Variants in SMG1 observed in about 807,000 individuals in gnomAD.
SMG1 encodes the protein SMG1 nonsense mediated mRNA decay associated PI3K related kinase, also known as serine/threonine-protein kinase SMG1.
Under a neutral mutation model 419.9 loss-of-function variants are expected in SMG1, and 22 were observed. The observed-to-expected ratio is 0.05, with a 90% CI of 0.04 to 0.07. The LOEUF (loss-of-function observed/expected upper bound fraction) is 0.07. Ranked by LOEUF, SMG1 falls within the 10% of genes least tolerant of loss-of-function variation. The pLI is 1.00. For synonymous variants in SMG1, 1,538 were observed against 1,553.5 expected (o/e 0.99, Z 0.23); for missense variants, 3,185 against 4,342.0 (o/e 0.73, Z 7.49).
chr16:18,924,444 T>C (rs1236507804), intron 1 of SMG1, among the ~76,000 whole-genome samples: 1 of 152,240 alleles, frequency 6.6e-6, no homozygotes, highest in Non-Finnish European at 1.5e-5. Context: ...TATATACTTA[T>C]ACTGATCACA....
At chr16:18,923,064 A>G (rs1450241653) in intron 1 of SMG1, among the ~76,000 whole-genome samples, 2 of 152,180 alleles carry the variant, frequency 1.3e-5, no homozygotes, top group African/African-American at 4.8e-5. Flanking sequence ...TGGGTGACAC[A>G]GCAAGACCCT....
chr16:18,916,441 G>A (rs12148927), intron 1 of SMG1, among the ~76,000 whole-genome samples: 46,036 of 148,776 alleles, frequency 0.31, 7,932 homozygotes, highest in Non-Finnish European at 0.39. Flanking sequence ...CGTGAACCCC[G>A]GGGGGTGGAG....
intron 1 of SMG1, among the ~76,000 whole-genome samples, chr16:18,910,645 T>C (rs1596649482): frequency 6.6e-6 from 1 of 151,802 alleles, no homozygotes; most frequent in East Asian, 1.9e-4. Context: ...AGCACCACCA[T>C]GCCCGGCCCA....
rs1056364807 is a variant in SMG1 at position 18,807,927 on chromosome 16, T to G, written c.*1642A>C. On this transcript the variant is annotated 3_prime_UTR_variant, in exon 63 of 63. Coordinates refer to ENST00000446231, the MANE Select transcript of SMG1 (RefSeq NM_015092.5). ...GGCGCCCGCCACCACGCCCGGCTAA[T>G]TTTTTTTGTATTTTTAGTAAAGACG... 5 of 151,988 alleles carry G rather than the reference T, an allele frequency of 3.3e-5. No homozygotes were observed. The highest frequency in any genetic ancestry group is 4.8e-5 in the African/African-American group (2 of 41,328). The allele number at this position is 151,988 out of a possible 1,614,324, so 9.4% of individuals were successfully genotyped here.
intron 1 of SMG1, among the ~76,000 whole-genome samples, chr16:18,919,819 G>T (rs1475463612): frequency 1.3e-5 from 2 of 150,364 alleles, no homozygotes; most frequent in Non-Finnish European, 3.0e-5. Flanking sequence ...GGGTTGGGGG[G>T]GTCCAGGCAC....
chr16:18,858,065 C>A (rs569666174), intron 29 of SMG1, 105 bp downstream of exon 29: 1 of 891,062 alleles, frequency 1.1e-6, no homozygotes, highest in South Asian at 1.9e-5. Flanking sequence ...CATGTTAGAA[C>A]TCATCAAACC....
intron 50 of SMG1, 145 bp downstream of exon 50, chr16:18,834,059 A>G (rs574107931): frequency 4.6e-6 from 3 of 656,006 alleles, no homozygotes; most frequent in South Asian, 4.0e-5. Flanking sequence ...AGTTATAGCT[A>G]TAAATCTCAC....
At chr16:18,880,731 C>T (rs866524655) in intron 10 of SMG1, among the ~76,000 whole-genome samples, 8 of 46,340 alleles carry the variant, frequency 1.7e-4, no homozygotes, top group East Asian at 3.1e-4. Context: ...AGGGGGGGGG[C>T]GCGGAGGGGG....
intron 60 of SMG1, among the ~76,000 whole-genome samples, chr16:18,814,959 TCCTCCCA>T (rs1388439700): frequency 1.4e-5 from 2 of 147,210 alleles, no homozygotes; most frequent in African/African-American, 5.0e-5. Context: ...CCTTAGACAA[TCCTCCCA>T]CCTTGGCCTT....
At chr16:18,896,724 T>C in intron 2 of SMG1, 69 bp downstream of exon 2, 1 of 1,196,238 alleles carries the variant, frequency 8.4e-7, no homozygotes, top group Admixed American at 1.9e-5. Flanking sequence ...GTTGGGGGTA[T>C]AAGAAGGCAG....
chr16:18,819,898 G>A (rs2032361467), intron 55 of SMG1, among the ~76,000 whole-genome samples: 1 of 152,160 alleles, frequency 6.6e-6, no homozygotes, highest in Admixed American at 6.5e-5. Flanking sequence ...AAAACGTACA[G>A]AAGGAAGTTT....
chr16:18,893,847 G>A (rs1272989850), intron 3 of SMG1, among the ~76,000 whole-genome samples: 2 of 152,060 alleles, frequency 1.3e-5, no homozygotes, highest in East Asian at 1.9e-4. Context: ...CACGAGGTCA[G>A]GAGTTTAAGA....
intron 50 of SMG1, among the ~76,000 whole-genome samples, chr16:18,833,968 CACTTG>C (rs746033306): frequency 5.3e-5 from 8 of 152,148 alleles, no homozygotes; most frequent in African/African-American, 1.9e-4. Context: ...GCTTGATGAA[CACTTG>C]ACTTGATTCC....
intron 33 of SMG1, among the ~76,000 whole-genome samples, chr16:18,851,302 G>A (rs570505226): frequency 2.0e-5 from 3 of 152,190 alleles, no homozygotes; most frequent in Non-Finnish European, 2.9e-5. Context: ...AGAATTGACG[G>A]AACTCTGAAG....
intron 45 of SMG1, 98 bp downstream of exon 45, chr16:18,837,915 CA>C: frequency 1.3e-5 from 17 of 1,355,260 alleles, no homozygotes; most frequent in African/African-American, 1.4e-5. Context: ...TTAGTTTTGC[CA>C]AAAAAATTAG....
chr16:18,879,117 ATT>A (rs956874186), intron 11 of SMG1: 1 of 289,124 alleles, frequency 3.5e-6, no homozygotes, highest in African/African-American at 2.2e-5. Flanking sequence ...CAAAGCCCTT[ATT>A]TTTTTTTCTT....
chr16:18,829,873 C>T (rs758577501), intron 53 of SMG1, 53 bp downstream of exon 53: 6 of 1,454,106 alleles, frequency 4.1e-6, no homozygotes, highest in Non-Finnish European at 5.5e-6. Context: ...TATCCTGCCC[C>T]CTTCCATAGT....
intron 39 of SMG1, among the ~76,000 whole-genome samples, chr16:18,843,357 T>A (rs1217745658): frequency 6.6e-6 from 1 of 152,210 alleles, no homozygotes; most frequent in African/African-American, 2.4e-5. Flanking sequence ...TCTGACCACT[T>A]GAGGTTTGCA....
intron 46 of SMG1, among the ~76,000 whole-genome samples, chr16:18,836,903 T>A (rs1378693455): frequency 6.6e-6 from 1 of 152,190 alleles, no homozygotes; most frequent in African/African-American, 2.4e-5. Context: ...TATTTAATAC[T>A]TAGTGAGGTA....
Sources: allele counts gnomAD v4.1 joint callset (sites outside exome capture counted in the v4.1 genomes callset), GRCh38; gene constraint gnomAD v4.1.1; transcripts MANE v1.5; gene names NCBI Gene and HGNC (gene_info 2026-07-23, HGNC 2026-07-21).